Variants in PRKD3 observed in about 807,000 individuals in gnomAD.
PRKD3 encodes the protein serine/threonine-protein kinase D3.
PRKD3 carries 47 observed loss-of-function variants against 99.2 expected under a neutral mutation model. The ratio of observed to expected loss-of-function variants is 0.47; its 90% confidence interval spans 0.38 to 0.60. The LOEUF (loss-of-function observed/expected upper bound fraction) is 0.60. PRKD3 is among the 20% of genes least tolerant of loss of function. The probability of loss-of-function intolerance (pLI) is 0.00; values close to 1 mark genes in which losing one functional copy is unlikely to be tolerated. For missense variants in PRKD3, 1,019 were observed against 1,088.4 expected (o/e 0.94, Z 0.90); for synonymous variants, 392 against 355.4 (o/e 1.10, Z -1.16).
chr2:37,257,334 A>C (rs369910665), intron 16 of PRKD3, among the ~76,000 whole-genome samples: 8 of 152,304 alleles, frequency 5.3e-5, no homozygotes, highest in East Asian at 3.9e-4. Flanking sequence ...CAGTGCCTGG[A>C]CACATAAAGG....
chr2:37,279,120 T>A (rs1172792345), intron 8 of PRKD3: 1 of 152,182 alleles, frequency 6.6e-6, no homozygotes, highest in Non-Finnish European at 1.5e-5. Flanking sequence ...TTTCTTTAAG[T>A]AACTCTTTGT....
Position 37,253,199 on chromosome 2 carries a change from T to G in PRKD3, c.2651A>C (p.Asp884Ala). The change falls in exon 19 of 19, where the codon GAT (aspartate) becomes GCT (alanine). Residue 884 changes from aspartate (D) to alanine (A), a missense_variant. Asp to Ala is a moderately radical substitution (Grantham distance 126). Transcript: ENST00000234179. ...PKHFIMAPNP[D>A]DMEEDP The stretch of plus-strand genomic sequence containing the variant: ...TGATTAAGGATCTTCTTCCATATCA[T>G]CTGGATTAGGAGCCATAATGAAGTG... 3 of 1,604,652 alleles carry G rather than the reference T, an allele frequency of 1.9e-6. No individual in the cohort carries two copies. Among genetic ancestry groups the G allele is most frequent in the Non-Finnish European group, 2.6e-6 (3 of 1,175,240 alleles).
intron 2 of PRKD3, among the ~76,000 whole-genome samples, chr2:37,315,781 C>T (rs1239700662): frequency 2.0e-5 from 3 of 152,202 alleles, no homozygotes; most frequent in African/African-American, 7.2e-5. Context: ...AGTGCAGTGG[C>T]GCTATCTCAG....
At chr2:37,291,173 T>A (rs1670405834) in intron 3 of PRKD3, among the ~76,000 whole-genome samples, 174 bp from the exon 4 acceptor site, 1 of 152,240 alleles carries the variant, frequency 6.6e-6, no homozygotes, top group Non-Finnish European at 1.5e-5. Flanking sequence ...GTTTAGCAAG[T>A]CCATTTACTT....
Position 37,253,062 on chromosome 2 carries a change from T to A in PRKD3, c.*115A>T, listed in dbSNP as rs1034959304. 223 of 1,099,370 alleles carry A rather than the reference T, an allele frequency of 2.0e-4. No homozygotes were observed. Among genetic ancestry groups the A allele is most frequent in the Non-Finnish European group, 2.6e-4 (205 of 783,596 alleles). 68.1% of individuals were successfully genotyped at this position (1,099,370 alleles called of 1,614,324 possible). ...CAGTACTGGTGTCACTTATTCGTTA[T>A]CATATTTCTTCATATCTTTGCAGCA... On this transcript the variant is annotated 3_prime_UTR_variant, in exon 19 of 19. Transcript: ENST00000234179.
intron 12 of PRKD3, among the ~76,000 whole-genome samples, chr2:37,270,917 G>A (rs1032532534): frequency 1.3e-5 from 2 of 152,142 alleles, no homozygotes; most frequent in African/African-American, 4.8e-5. Context: ...CATGGATGGA[G>A]ATATCCTCAG....
At chr2:37,295,224 C>A (rs17409947) in intron 2 of PRKD3, among the ~76,000 whole-genome samples, 19,099 of 152,014 alleles carry the variant, frequency 0.13, 1,415 homozygotes, top group South Asian at 0.27. Flanking sequence ...CAGGAACTTA[C>A]AATCTAGTAG....
intron 2 of PRKD3, among the ~76,000 whole-genome samples, chr2:37,311,093 T>C (rs1294287980): frequency 6.6e-6 from 1 of 152,174 alleles, no homozygotes; most frequent in Non-Finnish European, 1.5e-5. Context: ...GAGACCAGTA[T>C]CTGCTGTCTC....
chr2:37,278,101 T>C, intron 8 of PRKD3, 112 bp from the exon 9 acceptor site: 1 of 824,972 alleles, frequency 1.2e-6, no homozygotes, highest in Non-Finnish European at 1.7e-6. Context: ...TTTCAAAATA[T>C]CTTAGTAAAA....
In PRKD3 at chr2:37,282,362, G is replaced by C. The variant is rs998056372; in HGVS notation, c.988+180C>G. 69 of 549,288 alleles carry C rather than the reference G, an allele frequency of 1.3e-4. No individual in the cohort carries two copies. In the East Asian group the frequency reaches 1.6e-3, roughly 13 times the overall value. 34.0% of individuals were successfully genotyped at this position (549,288 alleles called of 1,614,324 possible). On this transcript the variant is annotated intron_variant, in intron 7 of 18. Transcript: ENST00000234179. The stretch of plus-strand genomic sequence containing the variant: ...AGGTGGCCAGAGGAAAGACGGGAAG[G>C]CGTGATTACTAATAAATGTATACTG...
At position 37,316,988 on chromosome 2, in the gene PRKD3, G is replaced by C. The variant is rs1456213396; in HGVS notation, c.-464C>G. 1.0e-6 allele frequency: 1 copy of C among 986,838 alleles called. No homozygotes were observed. The highest frequency in any genetic ancestry group is 1.2e-6 in the Non-Finnish European group (1 of 831,198). 61.1% of individuals were successfully genotyped at this position (986,838 alleles called of 1,614,324 possible). On this transcript the variant is annotated 5_prime_UTR_variant, in exon 2 of 19. Coordinates refer to ENST00000234179, the MANE Select transcript of PRKD3 (RefSeq NM_005813.6). ...TAATCTATTCAGTACTTTTCCTTTG[G>C]TTTACTAATTTGATAGGACACCTTC... is the stretch of plus-strand genomic sequence containing the variant.
Position 37,250,564 on chromosome 2 carries a change from T to C in PRKD3, c.*2613A>G, listed in dbSNP as rs1667407613. 6.6e-6 allele frequency: 1 copy of C among 152,132 alleles called. No homozygotes were observed. Among genetic ancestry groups the C allele is most frequent in the Non-Finnish European group, 1.5e-5 (1 of 68,020 alleles). 9.4% of individuals were successfully genotyped at this position (152,132 alleles called of 1,614,324 possible). A position where few individuals can be genotyped will look rare whatever the true frequency, so the allele number is the denominator to read the frequency against. ...TTGGCAGGTTAAAAAAAAATCAGTG[T>C]TTTTAAATATAGCATTAGTTCCATT... is the stretch of plus-strand genomic sequence containing the variant. On this transcript the variant is annotated 3_prime_UTR_variant, in exon 19 of 19. Coordinates refer to ENST00000234179, the MANE Select transcript of PRKD3 (RefSeq NM_005813.6).
intron 13 of PRKD3, chr2:37,269,146 C>T (rs979710730): frequency 6.3e-5 from 11 of 174,172 alleles, no homozygotes; most frequent in African/African-American, 1.7e-4. Context: ...AAGATGCTAA[C>T]GCACAGTAAG....
chr2:37,288,738 GCT>G (rs1354060185), intron 5 of PRKD3, among the ~76,000 whole-genome samples: 1 of 152,124 alleles, frequency 6.6e-6, no homozygotes, highest in African/African-American at 2.4e-5. Context: ...TCACTTAGCT[GCT>G]CTGTGTCTCA....
At chr2:37,287,713 G>T (rs1670190156) in intron 5 of PRKD3, among the ~76,000 whole-genome samples, 3 of 152,284 alleles carry the variant, frequency 2.0e-5, no homozygotes, top group African/African-American at 7.2e-5. Context: ...GTGAATGTGT[G>T]TTGAATGAAT....
intron 3 of PRKD3, among the ~76,000 whole-genome samples, chr2:37,292,637 C>T (rs1308513482): frequency 2.6e-5 from 4 of 150,986 alleles, no homozygotes; most frequent in African/African-American, 9.7e-5. Context: ...TGAGCCACCG[C>T]GCCAGGCCTT....
Position 37,251,771 on chromosome 2 carries a change from A to C in PRKD3, c.*1406T>G, listed in dbSNP as rs1270389061. ...ATGATAATCTTCATTTTACAGACTG[A>C]GGAACTGCCGACAGACCTGCCATCT... On this transcript the variant is annotated 3_prime_UTR_variant, in exon 19 of 19. Transcript: ENST00000234179. The C allele has an allele frequency of 6.6e-6, 1 of 152,178 alleles. No individual in the cohort carries two copies. Among genetic ancestry groups the C allele is most frequent in the Non-Finnish European group, 1.5e-5 (1 of 68,042 alleles). 9.4% of individuals were successfully genotyped at this position (152,178 alleles called of 1,614,324 possible). A position where few individuals can be genotyped will look rare whatever the true frequency, so the allele number is the denominator to read the frequency against.
intron 2 of PRKD3, among the ~76,000 whole-genome samples, chr2:37,301,891 T>C (rs1418984442): frequency 1.3e-5 from 2 of 152,226 alleles, no homozygotes; most frequent in African/African-American, 2.4e-5. Context: ...AGAAGCTATA[T>C]GACAATGTCC....
intron 1 of PRKD3, among the ~76,000 whole-genome samples, chr2:37,323,463 A>T (rs943822920): frequency 2.0e-5 from 3 of 152,044 alleles, no homozygotes; most frequent in African/African-American, 7.2e-5. Context: ...ACACGTTTCA[A>T]ATCCTACTTT....
Sources: gnomAD v4.1 joint callset for allele counts (sites outside exome capture counted in the v4.1 genomes callset) on GRCh38, gnomAD v4.1.1 for gene constraint, MANE v1.5 for transcripts, NCBI Gene and HGNC (gene_info 2026-07-23, HGNC 2026-07-21) for gene names.